SIM2: variants seen among roughly 807,000 people sequenced by gnomAD.
The protein encoded by SIM2 is single-minded homolog 2.
In SIM2, 28 loss-of-function variants were observed where a neutral mutation model predicts 64.8. The observed-to-expected ratio is 0.43, with a 90% confidence interval of 0.32 to 0.59. The LOEUF is 0.59. Among genes scored for constraint, SIM2 ranks in the 20% least tolerant of loss-of-function variants. The probability of loss-of-function intolerance (pLI) is 0.07; values close to 1 mark genes in which losing one functional copy is unlikely to be tolerated. For synonymous variants in SIM2, 408 were observed against 391.1 expected (o/e 1.04, Z -0.51); for missense variants, 847 against 871.4 (o/e 0.97, Z 0.35).
intron 1 of SIM2, among the ~76,000 whole-genome samples, chr21:36,705,361 T>C (rs1009706408): frequency 2.6e-5 from 4 of 152,206 alleles, no homozygotes; most frequent in African/African-American, 9.7e-5. Flanking sequence ...AGTCCTCAGA[T>C]GGCCGGCAAC....
chr21:36,744,619 G>A, intron 9 of SIM2, 109 bp from the exon 10 acceptor site: 2 of 1,358,754 alleles, frequency 1.5e-6, no homozygotes, highest in Non-Finnish European at 2.0e-6. Context: ...CGAGGGTAGG[G>A]GCAGCCCTTG....
At chr21:36,723,199 G>A in intron 5 of SIM2, 69 bp downstream of exon 5, 1 of 1,332,892 alleles carries the variant, frequency 7.5e-7, no homozygotes, top group Non-Finnish European at 1.1e-6. Flanking sequence ...AAGAGCGTCT[G>A]CAGAAAGGAA....
chr21:36,748,175 A>C lies in SIM2; in HGVS notation c.*83A>C, dbSNP rs1420379197. ...CGAGCCCGGCAAATGCGCACGACCTACATTAATTTATGCAGAGACAGCTGT... is the reference window on the plus strand; with the variant it reads ...CGAGCCCGGCAAATGCGCACGACCTCCATTAATTTATGCAGAGACAGCTGT... On this transcript the variant is annotated 3_prime_UTR_variant, in exon 11 of 11. Coordinates refer to ENST00000290399, the MANE Select transcript of SIM2 (RefSeq NM_005069.6). The C allele has an allele frequency of 8.6e-6, 5 of 579,830 alleles. No homozygotes were observed. The highest frequency in any genetic ancestry group is 9.1e-6 in the Non-Finnish European group (4 of 441,094). 35.9% of individuals were successfully genotyped at this position (579,830 alleles called of 1,614,324 possible).
intron 7 of SIM2, among the ~76,000 whole-genome samples, chr21:36,733,413 C>T (rs574413788): frequency 1.3e-5 from 2 of 151,614 alleles, no homozygotes; most frequent in Non-Finnish European, 2.9e-5. Flanking sequence ...TTAATACAGA[C>T]AGGGTTTTGC....
intron 7 of SIM2, 48 bp downstream of exon 7, chr21:36,731,199 G>C: frequency 7.1e-7 from 1 of 1,400,052 alleles, no homozygotes. Context: ...GGTCAGGGAG[G>C]AGGCGCTGAG....
chr21:36,743,005 G>A (rs1350624491), intron 8 of SIM2, among the ~76,000 whole-genome samples: 1 of 152,162 alleles, frequency 6.6e-6, no homozygotes, highest in East Asian at 1.9e-4. Flanking sequence ...TGCCTCCTGG[G>A]GTGCTAACTG....
At position 36,747,844 on chromosome 21, in the gene SIM2, C is replaced by T. The variant is rs867614668; in HGVS notation, c.1756C>T (p.Pro586Ser). 14 of 1,037,972 alleles carry T rather than the reference C, an allele frequency of 1.3e-5. No individual in the cohort carries two copies. The African/African-American group carries it at 2.3e-4, about 17-fold the overall frequency. The allele number at this position is 1,037,972 out of a possible 1,614,324, so 64.3% of individuals were successfully genotyped here. A position where few individuals can be genotyped will look rare whatever the true frequency, so the allele number is the denominator to read the frequency against. Reference sequence around the variant, plus strand: ...ACCCGAGTGCTGCGCGCCCCCGACCCCCGAGGCCCCGGGCGCGCCGGCGCA... The same window carrying T: ...ACCCGAGTGCTGCGCGCCCCCGACCTCCGAGGCCCCGGGCGCGCCGGCGCA... ...AAPECCAPPT[P>S]EAPGAPAQLP... The change falls in exon 11 of 11, where the codon CCC becomes TCC. Residue 586 changes from proline to serine, a missense_variant. Pro to Ser is a moderately conservative substitution (Grantham distance 74, BLOSUM62 -1). Transcript: ENST00000290399. The surrounding 1 kb of genome is among the most constrained non-coding windows in gnomAD (Gnocchi z 4.5).
chr21:36,714,641 T>C (rs1475796934), intron 3 of SIM2, among the ~76,000 whole-genome samples: 1 of 152,186 alleles, frequency 6.6e-6, no homozygotes, highest in Admixed American at 6.5e-5. Flanking sequence ...GGGCTCCTAT[T>C]AGGGCTGCTT....
rs542050355 is a variant in SIM2, at chr21:36,709,191, C to A, written c.199C>A (p.Pro67Thr). Residue 67 changes from proline to threonine, a missense_variant, in exon 2 of 11, where the codon CCG becomes ACG. Coordinates refer to ENST00000290399, the MANE Select transcript of SIM2 (RefSeq NM_005069.6). ...AGGTTTAGGAGACGCGTGGGGACAG[C>A]CGAGCCGCGCCGGGCCCCTGGACGG... ...PEGLGDAWGQ[P>T]SRAGPLDGVA... The A allele has an allele frequency of 1.2e-5, 19 of 1,610,108 alleles. No individual in the cohort carries two copies. In the Admixed American group the frequency reaches 2.5e-4, roughly 21 times the overall value.
intron 1 of SIM2, among the ~76,000 whole-genome samples, chr21:36,705,477 G>A (rs2088567795): frequency 6.6e-6 from 1 of 152,372 alleles, no homozygotes; most frequent in Non-Finnish European, 1.5e-5. Flanking sequence ...CAGGGAAGGG[G>A]TGGGAAAGCC....
At chr21:36,700,635 G>T (rs896480724) in intron 1 of SIM2, among the ~76,000 whole-genome samples, 1 of 152,158 alleles carries the variant, frequency 6.6e-6, no homozygotes, top group African/African-American at 2.4e-5. Context: ...GCGAGTCAGC[G>T]GGGATCACGG....
chr21:36,737,057 G>T (rs1279668643), intron 7 of SIM2, among the ~76,000 whole-genome samples: 4 of 152,100 alleles, frequency 2.6e-5, no homozygotes, highest in Non-Finnish European at 5.9e-5. Flanking sequence ...CTCCTGAGTA[G>T]CTGGGACTAC....
chr21:36,722,960 C>T, intron 4 of SIM2, 85 bp from the exon 5 acceptor site: 5 of 1,041,026 alleles, frequency 4.8e-6, no homozygotes, highest in Non-Finnish European at 7.6e-6. Context: ...TGCATCTGGC[C>T]CTGGGAACAC....
At chr21:36,738,334 G>T (rs2089103547) in intron 7 of SIM2, among the ~76,000 whole-genome samples, 1 of 152,214 alleles carries the variant, frequency 6.6e-6, no homozygotes. Flanking sequence ...GTGAAACCCC[G>T]TCTCTACTAA....
chr21:36,736,953 G>A (rs953883194), intron 7 of SIM2, among the ~76,000 whole-genome samples: 2 of 149,114 alleles, frequency 1.3e-5, no homozygotes, highest in Admixed American at 1.3e-4. Flanking sequence ...TAGAGACAGG[G>A]TCTCACTCTG....
chr21:36,709,271 G>T, intron 2 of SIM2, 21 bp downstream of exon 2: 2 of 1,571,120 alleles, frequency 1.3e-6, no homozygotes, highest in East Asian at 2.3e-5. Context: ...CTCGCCGGGG[G>T]AGGAGCGCAG....
chr21:36,741,609 T>C, intron 7 of SIM2, 108 bp from the exon 8 acceptor site: 1 of 1,309,234 alleles, frequency 7.6e-7, no homozygotes, highest in Non-Finnish European at 1.1e-6. Context: ...CCGCCCCCTT[T>C]GTCAAGTTCT....
At position 36,747,784 on chromosome 21, in the gene SIM2, C is replaced by G; in HGVS notation, c.1696C>G (p.Arg566Gly). 9.3e-7 allele frequency: 1 copy of G among 1,079,924 alleles called. No individual in the cohort carries two copies. Among genetic ancestry groups the G allele is most frequent in the Non-Finnish European group, 1.1e-6 (1 of 893,520 alleles). The allele number at this position is 1,079,924 out of a possible 1,614,324, so 66.9% of individuals were successfully genotyped here. The change falls in exon 11 of 11, where the codon CGG becomes GGG. Residue 566 changes from arginine (R) to glycine (G), a missense_variant. By Grantham distance (125) the Arg-to-Gly change is moderately radical. Coordinates refer to ENST00000290399, the MANE Select transcript of SIM2 (RefSeq NM_005069.6). The surrounding 1 kb of genome is among the most constrained non-coding windows in gnomAD (Gnocchi z 4.5). Reference protein sequence around the residue: ...GPAKAARQAARDGARLALARA... With the variant: ...GPAKAARQAAGDGARLALARA... ...GGCCAAAGCCGCCCGCCAGGCCGCC[C>G]GGGACGGGGCGCGGCTGGCGCTGGC...
chr21:36,747,907 GC>G lies in SIM2; in HGVS notation c.1822del (p.Arg608GlyfsTer98). ...GCTGCTCAACTACCACCGCGTGCTG[GC>G]CCGGCGCGGACCGCTGGGGGGCGCC... ...FVLLNYHRVL[A>X]RRGPLGGAAP... On this transcript the variant is annotated frameshift_variant, in exon 11 of 11. Coordinates refer to ENST00000290399, the MANE Select transcript of SIM2 (RefSeq NM_005069.6). LOFTEE classifies it high-confidence loss of function. The surrounding 1 kb of genome is among the most constrained non-coding windows in gnomAD (Gnocchi z 4.5). The G allele has an allele frequency of 9.4e-7, 1 of 1,061,232 alleles. No individual in the cohort carries two copies. Among genetic ancestry groups the G allele is most frequent in the Non-Finnish European group, 1.1e-6 (1 of 872,688 alleles). 65.7% of individuals were successfully genotyped at this position (1,061,232 alleles called of 1,614,324 possible). A position where few individuals can be genotyped will look rare whatever the true frequency, so the allele number is the denominator to read the frequency against.
Sources: allele counts gnomAD v4.1 joint callset (sites outside exome capture counted in the v4.1 genomes callset), GRCh38; gene constraint gnomAD v4.1.1; non-coding constraint Gnocchi (gnomAD v3.1); transcripts MANE v1.5; gene names NCBI Gene and HGNC (gene_info 2026-07-23, HGNC 2026-07-21).